Variants in FSTL5 observed in about 807,000 individuals in gnomAD.
FSTL5 encodes follistatin-related protein 5.
Under a neutral mutation model 89.1 loss-of-function variants are expected in FSTL5, and 62 were observed. The ratio of observed to expected loss-of-function variants is 0.70; its 90% CI spans 0.57 to 0.86. The LOEUF (loss-of-function observed/expected upper bound fraction) is 0.86, where lower values mean the gene tolerates loss of function less well. Ranked by LOEUF, FSTL5 falls within the 40% of genes least tolerant of loss-of-function variation. The probability of loss-of-function intolerance (pLI) is 0.00; values close to 1 mark genes in which losing one functional copy is unlikely to be tolerated. For missense variants in FSTL5, 1,057 were observed against 1,001.6 expected, an observed-to-expected ratio of 1.06 and a Z score of -0.75; for synonymous variants, 383 against 346.2, an observed-to-expected ratio of 1.11 and a Z score of -1.18.
At chr4:161,929,244 CT>C (rs58570212) in intron 3 of FSTL5, among the ~76,000 whole-genome samples, 26 of 145,160 alleles carry the variant, frequency 1.8e-4, no homozygotes, top group Admixed American at 1.4e-4. Flanking sequence ...ATTAGCTTTG[CT>C]TTTTTTTTTT....
chr4:161,894,187 G>A (rs79533900), intron 4 of FSTL5, among the ~76,000 whole-genome samples: 1 of 152,146 alleles, frequency 6.6e-6, no homozygotes, highest in African/African-American at 2.4e-5. Context: ...AGGTCATACA[G>A]TAAGAGGTGG....
chr4:161,401,473 T>G (rs944232479), intron 15 of FSTL5, among the ~76,000 whole-genome samples: 4 of 152,192 alleles, frequency 2.6e-5, no homozygotes, highest in Non-Finnish European at 5.9e-5. Context: ...GTGTTTTAAA[T>G]CATAACATTT....
intron 13 of FSTL5, 50 bp from the exon 14 acceptor site, chr4:161,459,369 T>TA (rs140036351): frequency 0.1 from 115,947 of 1,147,134 alleles, 7,142 homozygotes; most frequent in Middle Eastern, 0.13. Context: ...ACTATTAGTT[T>TA]AAAGCTAGGC....
chr4:161,894,503 T>C (rs754860492), intron 4 of FSTL5, among the ~76,000 whole-genome samples: 64 of 152,246 alleles, frequency 4.2e-4, no homozygotes, highest in African/African-American at 1.3e-3. Context: ...TCTTTTGAGA[T>C]AGAGTCTCAC....
intron 4 of FSTL5, among the ~76,000 whole-genome samples, chr4:161,783,514 A>T (rs553141691): frequency 1.3e-5 from 2 of 148,724 alleles, no homozygotes; most frequent in African/African-American, 4.9e-5. Flanking sequence ...CTTTCAGTGC[A>T]TTATGTCTTC....
At chr4:161,684,982 C>T (rs1737664051) in intron 6 of FSTL5, among the ~76,000 whole-genome samples, 1 of 152,132 alleles carries the variant, frequency 6.6e-6, no homozygotes, top group African/African-American at 2.4e-5. Flanking sequence ...TTGACAATTA[C>T]TCCAGCATCA....
intron 7 of FSTL5, among the ~76,000 whole-genome samples, chr4:161,621,173 G>A (rs574588117): frequency 6.6e-6 from 1 of 151,900 alleles, no homozygotes; most frequent in African/African-American, 2.4e-5. Flanking sequence ...CTTGCAAAGG[G>A]TATTTTCTGA....
intron 4 of FSTL5, among the ~76,000 whole-genome samples, chr4:161,830,887 A>G (rs1730823100): frequency 1.3e-5 from 2 of 152,004 alleles, no homozygotes; most frequent in African/African-American, 4.8e-5. Flanking sequence ...ACGTATTGCC[A>G]TCTCCCAGAC....
At chr4:161,409,465 T>C (rs28822129) in intron 15 of FSTL5, among the ~76,000 whole-genome samples, 15,658 of 152,004 alleles carry the variant, frequency 0.1, 826 homozygotes, top group Non-Finnish European at 0.12. Context: ...CACTACAACC[T>C]CTGCCTCCCA....
intron 4 of FSTL5, among the ~76,000 whole-genome samples, chr4:161,887,619 CT>C (rs1417806336): frequency 6.6e-6 from 1 of 152,094 alleles, no homozygotes; most frequent in Non-Finnish European, 1.5e-5. Context: ...AAATTCATCT[CT>C]CTTCATATTT....
chr4:161,504,001 G>T (rs182039219), intron 11 of FSTL5, among the ~76,000 whole-genome samples: 5 of 151,830 alleles, frequency 3.3e-5, no homozygotes, highest in Admixed American at 1.3e-4. Flanking sequence ...AGAATGTTAC[G>T]TGGGATATCA....
intron 7 of FSTL5, among the ~76,000 whole-genome samples, chr4:161,648,145 A>C (rs1729213115): frequency 6.6e-6 from 1 of 152,228 alleles, no homozygotes; most frequent in African/African-American, 2.4e-5. Context: ...CCGGTACACC[A>C]AGGCAAGAAC....
chr4:162,148,306 A>G (rs991404299), intron 1 of FSTL5, among the ~76,000 whole-genome samples: 1 of 152,182 alleles, frequency 6.6e-6, no homozygotes, highest in African/African-American at 2.4e-5. Context: ...AAATGGCTGA[A>G]CACAATCCAA....
intron 3 of FSTL5, among the ~76,000 whole-genome samples, chr4:161,921,045 T>C (rs1382618405): frequency 2.6e-5 from 4 of 152,154 alleles, no homozygotes. Context: ...GTATGGACCA[T>C]CTCTACAGTT....
At chr4:161,508,813 T>C (rs75216421) in intron 11 of FSTL5, among the ~76,000 whole-genome samples, 1,552 of 152,282 alleles carry the variant, frequency 0.01, 22 homozygotes, top group African/African-American at 0.034. Context: ...TTTCAAATAT[T>C]GTATTGGAAG....
At chr4:161,942,709 C>A (rs1734621523) in intron 3 of FSTL5, among the ~76,000 whole-genome samples, 1 of 152,086 alleles carries the variant, frequency 6.6e-6, no homozygotes, top group Admixed American at 6.6e-5. Context: ...GACCAATATT[C>A]TTTATGAATA....
rs569014552 is a variant in FSTL5, at chr4:161,589,442, C to G, written c.895-1867G>C. Among the ~76,000 whole-genome samples, 16 of 152,192 alleles carry G rather than the reference C, an allele frequency of 1.1e-4. No homozygotes were observed. The East Asian group carries it at 1.7e-3, about 17-fold the overall frequency. On this transcript the variant is annotated intron_variant, in intron 7 of 15. Coordinates refer to ENST00000306100, the MANE Select transcript of FSTL5 (RefSeq NM_020116.5). ...AGGTGATCCGGCCGCCTCAGCCTCC[C>G]CAAGTGCTGAGATTACAGGCATGAG...
intron 4 of FSTL5, among the ~76,000 whole-genome samples, chr4:161,880,411 A>G (rs1391825501): frequency 6.6e-6 from 1 of 152,106 alleles, no homozygotes; most frequent in Middle Eastern, 3.2e-3. Context: ...GTCATTCATA[A>G]AAAAACAAAC....
chr4:161,440,234 T>C (rs966293499), intron 15 of FSTL5, among the ~76,000 whole-genome samples: 1 of 152,100 alleles, frequency 6.6e-6, no homozygotes, highest in Non-Finnish European at 1.5e-5. Context: ...GGGCTTAGTT[T>C]CATAAATTTT....
Sources: allele counts gnomAD v4.1 joint callset (sites outside exome capture counted in the v4.1 genomes callset), GRCh38; gene constraint gnomAD v4.1.1; transcripts MANE v1.5; gene names NCBI Gene and HGNC (gene_info 2026-07-23, HGNC 2026-07-21).